The following RRBP1 variants were observed in gnomAD, a reference collection of about 807,000 sequenced individuals.
The protein encoded by RRBP1 is ribosome binding protein 1.
RRBP1 carries 94 observed loss-of-function variants against 165.2 expected under a neutral mutation model. The ratio of observed to expected loss-of-function variants is 0.57; its 90% CI spans 0.48 to 0.68. The LOEUF (loss-of-function observed/expected upper bound fraction) is 0.68. RRBP1 is among the 30% of genes least tolerant of loss of function. The probability of loss-of-function intolerance (pLI) is 0.00; values close to 1 mark genes in which losing one functional copy is unlikely to be tolerated. For synonymous variants in RRBP1, 680 were observed against 714.5 expected (o/e 0.95, Z 0.77); for missense variants, 1,676 against 1,763.0 (o/e 0.95, Z 0.88).
intron 3 of RRBP1, among the ~76,000 whole-genome samples, chr20:17,653,530 A>G (rs1264752731): frequency 2.0e-5 from 3 of 152,348 alleles, no homozygotes; most frequent in Non-Finnish European, 4.4e-5. Flanking sequence ...CATACAGATC[A>G]CACGCCAAGA....
In RRBP1 at chr20:17,633,528, CT is replaced by C. The variant is rs1474276370; in HGVS notation, c.2541del (p.Asp848MetfsTer89). On this transcript the variant is annotated frameshift_variant, in exon 8 of 25. Transcript: ENST00000377813. LOFTEE classifies it high-confidence loss of function. ...ELVEKSEAVRQDEQQRKALEA... is the reference protein window; with the variant it reads ...ELVEKSEAVRXDEQQRKALEA... ...TCCAGAGCTTTCCGCTGCTGCTCAT[CT>C]TGCCGCACAGCCTCTGACTTCTCCA... 6.2e-7 allele frequency: 1 copy of C among 1,614,092 alleles called. No individual in the cohort carries two copies. The highest frequency in any genetic ancestry group is 8.5e-7 in the Non-Finnish European group (1 of 1,180,044).
chr20:17,650,468 C>G (rs1297486437), intron 3 of RRBP1, among the ~76,000 whole-genome samples: 1 of 152,182 alleles, frequency 6.6e-6, no homozygotes, highest in Non-Finnish European at 1.5e-5. Context: ...ACAGAAGTGC[C>G]ATGTCCCCAG....
chr20:17,636,721 T>C lies in RRBP1; in HGVS notation c.2193A>G (p.Ala731=). 1 of 1,612,862 alleles carries C rather than the reference T, an allele frequency of 6.2e-7. No homozygotes were observed. Among genetic ancestry groups the C allele is most frequent in the Non-Finnish European group, 8.5e-7 (1 of 1,180,018 alleles). Residue 731 remains alanine (A), a synonymous_variant, in exon 6 of 25, where the codon GCA becomes GCG. Coordinates refer to ENST00000377813, the MANE Select transcript of RRBP1 (RefSeq NM_001365613.2). ...CGGCTGCTGCTTTGGCCTTTTCTGC[T>C]GCCATCTCCTGGGGGGAAAGTAGCA... ...SKLRELNKEM[A]AEKAKAAAGE...
intron 2 of RRBP1, among the ~76,000 whole-genome samples, chr20:17,671,343 G>C (rs1231605596): frequency 6.6e-6 from 1 of 152,152 alleles, no homozygotes; most frequent in Non-Finnish European, 1.5e-5. Context: ...CCTAACTATG[G>C]ACTATTCTCT....
chr20:17,647,803 T>C (rs2036490740), intron 3 of RRBP1, among the ~76,000 whole-genome samples: 1 of 152,108 alleles, frequency 6.6e-6, no homozygotes, highest in Non-Finnish European at 1.5e-5. Context: ...GACACACACA[T>C]GTAGTCTGAA....
At chr20:17,645,451 A>G (rs1029427618) in intron 3 of RRBP1, among the ~76,000 whole-genome samples, 2 of 152,246 alleles carry the variant, frequency 1.3e-5, no homozygotes, top group East Asian at 1.9e-4. Context: ...GCCACCTCTC[A>G]TGGCCCCCCA....
chr20:17,646,207 C>G (rs1235588853), intron 3 of RRBP1, among the ~76,000 whole-genome samples: 1 of 152,174 alleles, frequency 6.6e-6, no homozygotes, highest in African/African-American at 2.4e-5. Context: ...GGAATCTGAG[C>G]CAGAACCCTC....
At chr20:17,677,344 T>C (rs2037102480) in intron 2 of RRBP1, among the ~76,000 whole-genome samples, 1 of 152,218 alleles carries the variant, frequency 6.6e-6, no homozygotes, top group Non-Finnish European at 1.5e-5. Context: ...TCACTATAAA[T>C]AGTCTGTAAC....
intron 19 of RRBP1, chr20:17,618,935 CA>C: frequency 4.3e-6 from 2 of 466,598 alleles, no homozygotes; most frequent in South Asian, 2.6e-5. Context: ...TTATCTCTGG[CA>C]AAAAAGGGCC....
intron 2 of RRBP1, among the ~76,000 whole-genome samples, chr20:17,666,323 T>G (rs1159646725): frequency 2.0e-5 from 3 of 150,606 alleles, no homozygotes; most frequent in Non-Finnish European, 4.4e-5. Flanking sequence ...CTGAGCATCA[T>G]AGCAAGACCC....
At chr20:17,628,097 C>T (rs1474952104) in intron 9 of RRBP1, among the ~76,000 whole-genome samples, 1 of 152,038 alleles carries the variant, frequency 6.6e-6, no homozygotes, top group South Asian at 2.1e-4. Context: ...CCTCAACCCC[C>T]AAGACCTCTT....
At position 17,659,539 on chromosome 20, in the gene RRBP1, C is replaced by T. The variant is rs780567743; in HGVS notation, c.969G>A (p.Glu323=). ...EGAQNQGKKG[E]GAQNQGKKAE... is the part of the protein sequence containing the mutation. The stretch of plus-strand genomic sequence containing the variant: ...CCTTCTTGCCCTGGTTCTGGGCCCC[C>T]TCTCCCTTTTTGCCCTGATTCTGGG... The change falls in exon 3 of 25, where the codon GAG becomes GAA. Residue 323 remains glutamate (E), a synonymous_variant. Coordinates refer to ENST00000377813, the MANE Select transcript of RRBP1 (RefSeq NM_001365613.2). The T allele has an allele frequency of 1.3e-6, 2 of 1,547,824 alleles. No individual in the cohort carries two copies. Among genetic ancestry groups the T allele is most frequent in the East Asian group, 4.9e-5 (2 of 40,714 alleles).
intron 2 of RRBP1, among the ~76,000 whole-genome samples, chr20:17,665,103 T>A (rs897720688): frequency 1.3e-5 from 2 of 149,122 alleles, no homozygotes; most frequent in Admixed American, 6.6e-5. Context: ...TGTGTATACA[T>A]ATATATGTGG....
rs749972839 is a variant in RRBP1 at position 17,629,969 on chromosome 20, C to A, written c.2611-8G>T. On this transcript the variant is annotated splice_polypyrimidine_tract_variant and splice_region_variant and intron_variant, in intron 8 of 24. Transcript: ENST00000377813. ...ACTCTCCCTGTGGGACGCCTGGGGA[C>A]GGGCAGGGGAGTGGGGCAGTGAAGA... 1 of 1,591,818 alleles carries A rather than the reference C, an allele frequency of 6.3e-7. No homozygotes were observed. The highest frequency in any genetic ancestry group is 2.2e-5 in the East Asian group (1 of 44,648).
At chr20:17,665,997 G>T (rs1307495420) in intron 2 of RRBP1, among the ~76,000 whole-genome samples, 1 of 152,080 alleles carries the variant, frequency 6.6e-6, no homozygotes, top group African/African-American at 2.4e-5. Context: ...CCATTCAGTG[G>T]ATCTGTTTCT....
At chr20:17,636,103 G>C (rs1355736092) in intron 6 of RRBP1, among the ~76,000 whole-genome samples, 1 of 152,274 alleles carries the variant, frequency 6.6e-6, no homozygotes, top group Non-Finnish European at 1.5e-5. Context: ...ACTATGAGCA[G>C]GGTGCAGGCT....
intron 16 of RRBP1, among the ~76,000 whole-genome samples, chr20:17,621,237 A>G (rs1029734232): frequency 1.3e-5 from 2 of 152,140 alleles, no homozygotes; most frequent in Non-Finnish European, 2.9e-5. Context: ...CAGCTTAGAG[A>G]CCGGCCCCGA....
chr20:17,642,878 GGC>G, intron 4 of RRBP1, 99 bp downstream of exon 4: 1 of 1,270,320 alleles, frequency 7.9e-7, no homozygotes, highest in Non-Finnish European at 1.1e-6. Flanking sequence ...GAGAAGTGGA[GGC>G]TGTCCTATGA....
At chr20:17,651,644 C>G (rs999906281) in intron 3 of RRBP1, among the ~76,000 whole-genome samples, 7 of 152,072 alleles carry the variant, frequency 4.6e-5, no homozygotes, top group Admixed American at 2.0e-4. Context: ...AATGAATTTA[C>G]CCCCCCGCCC....
Sources: allele counts gnomAD v4.1 joint callset (sites outside exome capture counted in the v4.1 genomes callset), GRCh38; gene constraint gnomAD v4.1.1; transcripts MANE v1.5; gene names NCBI Gene and HGNC (gene_info 2026-07-23, HGNC 2026-07-21).